Variants in MYRIP observed in about 807,000 individuals in gnomAD.
The protein encoded by MYRIP is rab effector MyRIP.
MYRIP carries 49 observed loss-of-function variants against 98.0 expected under a neutral mutation model. The ratio of observed to expected loss-of-function variants is 0.50; its 90% CI spans 0.40 to 0.63. The LOEUF (loss-of-function observed/expected upper bound fraction) is 0.63. Among genes scored for constraint, MYRIP ranks in the 30% least tolerant of loss-of-function variants. MYRIP has a pLI of 0.00. For missense variants in MYRIP, 1,004 were observed against 1,058.2 expected (o/e 0.95, Z 0.71); for synonymous variants, 404 against 409.5 (o/e 0.99, Z 0.16).
rs745696066 is a variant in MYRIP, at chr3:39,979,654, AC to A, written c.111-64395del. Among the ~76,000 whole-genome samples the A allele has an allele frequency of 7.8e-4, 106 of 136,164 alleles. 3 individuals are homozygous for A. The highest frequency in any genetic ancestry group is 1.1e-3 in the Non-Finnish European group (65 of 61,658). The allele number at this position is 136,164 out of a possible 152,430, so 89.3% of individuals were successfully genotyped here. On this transcript the variant is annotated intron_variant, in intron 2 of 16. Coordinates refer to ENST00000302541, the MANE Select transcript of MYRIP (RefSeq NM_015460.4). Reference sequence around the variant, plus strand: ...ACTACATCTCAAAAACCAAAACAAAACAAAAAAAAAAAAACAAAAAAAAACT... The same window carrying A: ...ACTACATCTCAAAAACCAAAACAAAAAAAAAAAAAAAAACAAAAAAAAACT...
At chr3:40,149,220 A>C (rs1462471771) in intron 3 of MYRIP, among the ~76,000 whole-genome samples, 1 of 152,238 alleles carries the variant, frequency 6.6e-6, no homozygotes, top group Non-Finnish European at 1.5e-5. Flanking sequence ...GCAGAATGCA[A>C]GGGAGCCTGT....
chr3:39,952,883 C>T (rs1241308237), intron 2 of MYRIP, among the ~76,000 whole-genome samples: 1 of 152,106 alleles, frequency 6.6e-6, no homozygotes, highest in Non-Finnish European at 1.5e-5. Flanking sequence ...CACATATGTA[C>T]AGCCTCCCAG....
intron 2 of MYRIP, among the ~76,000 whole-genome samples, chr3:40,026,732 A>AGCTAGCCTGG (rs1250779530): frequency 2.0e-5 from 3 of 152,036 alleles, no homozygotes; most frequent in Non-Finnish European, 4.4e-5. Flanking sequence ...CACCACTGAA[A>AGCTAGCCTGG]TTGCCTTTCT....
intron 2 of MYRIP, among the ~76,000 whole-genome samples, chr3:40,043,039 C>T (rs1559377527): frequency 1.3e-5 from 2 of 152,158 alleles, no homozygotes; most frequent in Non-Finnish European, 2.9e-5. Context: ...TATTGTATCA[C>T]TTTCTGGTGC....
intron 3 of MYRIP, among the ~76,000 whole-genome samples, chr3:40,061,606 G>A (rs1948016307): frequency 6.6e-6 from 1 of 152,176 alleles, no homozygotes; most frequent in South Asian, 2.1e-4. Flanking sequence ...ACCCAGTAAT[G>A]GGATTGCTGG....
intron 4 of MYRIP, among the ~76,000 whole-genome samples, chr3:40,158,552 G>A (rs895819043): frequency 6.6e-6 from 1 of 152,120 alleles, no homozygotes; most frequent in Non-Finnish European, 1.5e-5. Context: ...GGGTATCCTT[G>A]TTGACTTCCT....
chr3:39,872,973 A>G (rs960441842), intron 1 of MYRIP, among the ~76,000 whole-genome samples: 2 of 152,092 alleles, frequency 1.3e-5, no homozygotes, highest in Non-Finnish European at 2.9e-5. Context: ...AAGTGTTCCT[A>G]TTTCTCCATA....
intron 2 of MYRIP, among the ~76,000 whole-genome samples, chr3:39,928,626 A>G (rs1944471101): frequency 6.8e-6 from 1 of 146,846 alleles, no homozygotes; most frequent in South Asian, 2.2e-4. Flanking sequence ...ACAAAATTCA[A>G]CACACATTCC....
At chr3:39,926,171 T>G (rs553480136) in intron 2 of MYRIP, among the ~76,000 whole-genome samples, 4 of 152,218 alleles carry the variant, frequency 2.6e-5, no homozygotes, top group Admixed American at 6.5e-5. Flanking sequence ...GCCCAGCTTT[T>G]GATGGGGTTA....
At chr3:40,169,345 C>T (rs910639448) in intron 7 of MYRIP, among the ~76,000 whole-genome samples, 4 of 152,304 alleles carry the variant, frequency 2.6e-5, no homozygotes, top group South Asian at 2.1e-4. Flanking sequence ...TGGCTTAGCA[C>T]ATTTCTTGAC....
chr3:39,843,304 T>C (rs1319691269), intron 1 of MYRIP, among the ~76,000 whole-genome samples: 1 of 152,222 alleles, frequency 6.6e-6, no homozygotes, highest in Admixed American at 6.5e-5. Flanking sequence ...CTATTTTCCT[T>C]TTGAAAATGT....
intron 2 of MYRIP, among the ~76,000 whole-genome samples, chr3:39,943,950 A>G (rs996071291): frequency 5.9e-5 from 9 of 152,088 alleles, no homozygotes; most frequent in Admixed American, 3.9e-4. Context: ...AAGAGAGAGA[A>G]GCCAAGATAG....
intron 3 of MYRIP, among the ~76,000 whole-genome samples, chr3:40,136,441 T>C (rs1949771981): frequency 6.6e-6 from 1 of 152,178 alleles, no homozygotes; most frequent in South Asian, 2.1e-4. Context: ...AATGGGAGAC[T>C]TTAACACCCC....
At chr3:39,981,891 A>G (rs1945904941) in intron 2 of MYRIP, among the ~76,000 whole-genome samples, 1 of 152,132 alleles carries the variant, frequency 6.6e-6, no homozygotes, top group South Asian at 2.1e-4. Flanking sequence ...AGGAAATATC[A>G]ATAGGTTAAA....
intron 10 of MYRIP, among the ~76,000 whole-genome samples, chr3:40,201,097 C>A (rs1237340265): frequency 6.6e-6 from 1 of 152,192 alleles, no homozygotes; most frequent in East Asian, 1.9e-4. Context: ...ATTTATCTGA[C>A]TGCTCAAGGT....
Position 40,093,210 on chromosome 3 carries a change from G to A in MYRIP, c.332+48939G>A, listed in dbSNP as rs181453328. 7.7e-4 allele frequency among the ~76,000 whole-genome samples: 118 copies of A among 152,296 alleles called. 1 individual carries two copies. Among genetic ancestry groups the A allele is most frequent in the African/African-American group, 2.7e-3 (114 of 41,550 alleles). On this transcript the variant is annotated intron_variant, in intron 3 of 16. Coordinates refer to ENST00000302541, the MANE Select transcript of MYRIP (RefSeq NM_015460.4). ...TGTACAGAAGCAGTTCAGTGTCATCGGGCTAGACAAGATATCCACCTTATG... is the reference window on the plus strand; with the variant it reads ...TGTACAGAAGCAGTTCAGTGTCATCAGGCTAGACAAGATATCCACCTTATG...
Position 40,166,944 on chromosome 3 carries a change from G to C in MYRIP, c.648+1G>C. ...AGCAGAGGCATATGGGGACAGCCTG[G>C]TAGGGCCCCTCCTGCTCCTCTCTGT... On this transcript the variant is annotated splice_donor_variant, in intron 6 of 16. Coordinates refer to ENST00000302541, the MANE Select transcript of MYRIP (RefSeq NM_015460.4). LOFTEE classifies it high-confidence loss of function. The C allele has an allele frequency of 6.2e-7, 1 of 1,611,920 alleles. No homozygotes were observed. Among genetic ancestry groups the C allele is most frequent in the Non-Finnish European group, 8.5e-7 (1 of 1,178,050 alleles).
intron 3 of MYRIP, among the ~76,000 whole-genome samples, chr3:40,109,316 T>A (rs1205270707): frequency 6.6e-6 from 1 of 152,138 alleles, no homozygotes; most frequent in Non-Finnish European, 1.5e-5. Context: ...TGAGAGAGGA[T>A]TGAGGCTTTA....
chr3:39,957,748 T>C (rs888541947), intron 2 of MYRIP, among the ~76,000 whole-genome samples: 2 of 152,172 alleles, frequency 1.3e-5, no homozygotes, highest in African/African-American at 4.8e-5. Flanking sequence ...TGTCCCTGTT[T>C]GCAGATGACA....
Sources: allele counts gnomAD v4.1 joint callset (sites outside exome capture counted in the v4.1 genomes callset), GRCh38; gene constraint gnomAD v4.1.1; transcripts MANE v1.5; gene names NCBI Gene and HGNC (gene_info 2026-07-23, HGNC 2026-07-21).